Variants in ZNF385B observed in about 807,000 individuals in gnomAD.
The protein encoded by ZNF385B is zinc finger protein 533.
Under a neutral mutation model 39.2 loss-of-function variants are expected in ZNF385B, and 23 were observed. The ratio of observed to expected loss-of-function variants is 0.59; its 90% confidence interval spans 0.42 to 0.83. The LOEUF (loss-of-function observed/expected upper bound fraction) is 0.83. Ranked by LOEUF, ZNF385B falls within the 40% of genes least tolerant of loss-of-function variation. The pLI is 0.00. For synonymous variants in ZNF385B, 205 were observed against 222.6 expected (o/e 0.92, Z 0.70); for missense variants, 552 against 598.9 (o/e 0.92, Z 0.82).
At chr2:179,482,980 C>T (rs2054162898) in intron 6 of ZNF385B, among the ~76,000 whole-genome samples, 1 of 151,494 alleles carries the variant, frequency 6.6e-6, no homozygotes, top group Admixed American at 6.6e-5. Flanking sequence ...TTAGTCTGAA[C>T]ACATTGTGAT....
chr2:179,840,211 C>G (rs1369410085), intron 1 of ZNF385B, among the ~76,000 whole-genome samples: 2 of 152,228 alleles, frequency 1.3e-5, no homozygotes, highest in East Asian at 1.9e-4. Context: ...CCCGGCACAG[C>G]CTGCCTTGTC....
rs144062410 is a variant in ZNF385B at position 179,689,302 on chromosome 2, G to A, written c.298+80201C>T. Among the ~76,000 whole-genome samples, 6 of 152,300 alleles carry A rather than the reference G, an allele frequency of 3.9e-5. No homozygotes were observed. In the East Asian group the frequency reaches 1.2e-3, roughly 29 times the overall value. ...TAAAAGCCGAGAACCAAGGAATTAG[G>A]TGATGGTGGAGGGGGCTCCTAGTGA... On this transcript the variant is annotated intron_variant, in intron 3 of 9. Coordinates refer to ENST00000410066, the MANE Select transcript of ZNF385B (RefSeq NM_152520.6).
At chr2:179,552,770 A>T (rs1245462590) in intron 3 of ZNF385B, among the ~76,000 whole-genome samples, 1 of 149,370 alleles carries the variant, frequency 6.7e-6, no homozygotes, top group Non-Finnish European at 1.5e-5. Context: ...GGTGACTGAT[A>T]AAGGATTTTG....
intron 1 of ZNF385B, among the ~76,000 whole-genome samples, chr2:179,806,467 C>T (rs1370394970): frequency 6.6e-6 from 1 of 152,134 alleles, no homozygotes; most frequent in Non-Finnish European, 1.5e-5. Context: ...TAGGCTCCCC[C>T]AGTCCCCAGA....
At chr2:179,500,720 A>C (rs1441975733) in intron 5 of ZNF385B, among the ~76,000 whole-genome samples, 1 of 152,178 alleles carries the variant, frequency 6.6e-6, no homozygotes, top group Non-Finnish European at 1.5e-5. Context: ...CCACAAGCAC[A>C]GGCAACCAAA....
chr2:179,658,813 C>T (rs1694106865), intron 3 of ZNF385B, among the ~76,000 whole-genome samples: 1 of 152,056 alleles, frequency 6.6e-6, no homozygotes, highest in African/African-American at 2.4e-5. Context: ...GGGTTTCACT[C>T]GTTTCCCAGG....
At chr2:179,761,764 T>TTC (rs1397743905) in intron 3 of ZNF385B, among the ~76,000 whole-genome samples, 3 of 144,626 alleles carry the variant, frequency 2.1e-5, no homozygotes, top group African/African-American at 7.6e-5. Flanking sequence ...TTCTTTTCTT[T>TTC]TTTTTTTTTT....
At chr2:179,630,721 C>T (rs377664037) in intron 3 of ZNF385B, among the ~76,000 whole-genome samples, 6 of 152,236 alleles carry the variant, frequency 3.9e-5, no homozygotes, top group African/African-American at 7.2e-5. Flanking sequence ...TAAACTTCTC[C>T]GAGCTAAAGG....
intron 5 of ZNF385B, among the ~76,000 whole-genome samples, chr2:179,496,235 C>G (rs2056189066): frequency 6.6e-6 from 1 of 151,728 alleles, no homozygotes; most frequent in Non-Finnish European, 1.5e-5. Flanking sequence ...ATTGATGAAG[C>G]AGAAGAAAGA....
intron 3 of ZNF385B, among the ~76,000 whole-genome samples, chr2:179,623,271 C>CTT (rs764039947): frequency 6.2e-5 from 9 of 145,000 alleles, no homozygotes; most frequent in Non-Finnish European, 7.6e-5. Flanking sequence ...GGACATTTGT[C>CTT]TTTTTTTTTT....
chr2:179,535,070 G>A (rs1399587202), intron 4 of ZNF385B, among the ~76,000 whole-genome samples: 1 of 152,046 alleles, frequency 6.6e-6, no homozygotes, highest in African/African-American at 2.4e-5. Flanking sequence ...AGAGAAGTTT[G>A]GGTCTACCTG....
chr2:179,577,617 A>G (rs937203145), intron 3 of ZNF385B, among the ~76,000 whole-genome samples: 3 of 152,196 alleles, frequency 2.0e-5, no homozygotes, highest in Non-Finnish European at 4.4e-5. Flanking sequence ...TTAAGGGCTT[A>G]TTAAAACCTT....
chr2:179,757,468 A>AG (rs1703112031), intron 3 of ZNF385B, among the ~76,000 whole-genome samples: 1 of 152,110 alleles, frequency 6.6e-6, no homozygotes, highest in South Asian at 2.1e-4. Context: ...ATGCTGGGAG[A>AG]ACCACTAGTC....
At chr2:179,620,781 T>C (rs962973630) in intron 3 of ZNF385B, among the ~76,000 whole-genome samples, 2 of 152,304 alleles carry the variant, frequency 1.3e-5, no homozygotes, top group African/African-American at 2.4e-5. Context: ...TTTGTATTCC[T>C]GAGGCCTTCT....
intron 3 of ZNF385B, among the ~76,000 whole-genome samples, chr2:179,623,723 C>T (rs16866864): frequency 0.2 from 29,954 of 152,014 alleles, 4,564 homozygotes; most frequent in African/African-American, 0.43. Context: ...TCCCTGCTTA[C>T]CTTTGCTTTC....
At chr2:179,452,378 C>T (rs896165388) in intron 6 of ZNF385B, among the ~76,000 whole-genome samples, 11 of 152,050 alleles carry the variant, frequency 7.2e-5, no homozygotes, top group African/African-American at 2.7e-4. Context: ...CACTATACTA[C>T]TCAAACACAG....
intron 3 of ZNF385B, among the ~76,000 whole-genome samples, chr2:179,622,654 T>A (rs376470472): frequency 6.6e-6 from 1 of 152,206 alleles, no homozygotes; most frequent in African/African-American, 2.4e-5. Flanking sequence ...GCCACACATA[T>A]AAGAATAAAA....
chr2:179,517,235 T>G (rs928189160), intron 5 of ZNF385B, among the ~76,000 whole-genome samples: 17 of 151,946 alleles, frequency 1.1e-4, no homozygotes, highest in African/African-American at 2.9e-4. Context: ...GGCTTTTCTT[T>G]TCTATGTATA....
intron 3 of ZNF385B, among the ~76,000 whole-genome samples, chr2:179,594,955 T>C (rs938766651): frequency 2.6e-5 from 4 of 152,120 alleles, no homozygotes; most frequent in Admixed American, 2.0e-4. Context: ...CAGGCACATA[T>C]GCCCATGTGC....
Sources: allele counts gnomAD v4.1 joint callset (sites outside exome capture counted in the v4.1 genomes callset), GRCh38; gene constraint gnomAD v4.1.1; transcripts MANE v1.5; gene names NCBI Gene and HGNC (gene_info 2026-07-23, HGNC 2026-07-21).